METTL14: variants seen among roughly 807,000 people sequenced by gnomAD.
METTL14 encodes methyltransferase 14, N6-adenosine-methyltransferase non-catalytic subunit.
A neutral mutation model predicts 62.4 loss-of-function variants in METTL14; 32 were observed. The observed-to-expected ratio is 0.51, with a 90% confidence interval of 0.39 to 0.69. The LOEUF (loss-of-function observed/expected upper bound fraction) is 0.69. METTL14 is among the 30% of genes least tolerant of loss of function. The pLI, the probability that METTL14 is intolerant of heterozygous loss-of-function variation, is 0.00. For synonymous variants in METTL14, 150 were observed against 180.0 expected (o/e 0.83, Z 1.34); for missense variants, 340 against 551.9 (o/e 0.62, Z 3.85).
At chr4:118,691,238 A>C (rs563018889) in intron 3 of METTL14, among the ~76,000 whole-genome samples, 2 of 152,246 alleles carry the variant, frequency 1.3e-5, no homozygotes, top group East Asian at 3.9e-4. Context: ...ATCTTTCATG[A>C]CTCAAACTAG....
intron 6 of METTL14, among the ~76,000 whole-genome samples, chr4:118,696,682 A>C (rs1724424098): frequency 6.6e-6 from 1 of 152,332 alleles, no homozygotes; most frequent in Admixed American, 6.5e-5. Context: ...AAGACTCTTA[A>C]TAGAAACATT....
chr4:118,696,987 C>T (rs1310237365), intron 6 of METTL14, among the ~76,000 whole-genome samples, 195 bp from the exon 7 acceptor site: 2 of 151,830 alleles, frequency 1.3e-5, no homozygotes, highest in Admixed American at 1.3e-4. Context: ...TCGTTTAAGT[C>T]TATACTGAAG....
chr4:118,705,497 C>T, intron 9 of METTL14, 114 bp from the exon 10 acceptor site: 2 of 869,942 alleles, frequency 2.3e-6, no homozygotes, highest in Non-Finnish European at 3.7e-6. Context: ...ATAACTGTAT[C>T]CCAAAGATTC....
In METTL14 at chr4:118,709,978, CT is replaced by C. The variant is rs771858910; in HGVS notation, c.1067-13del. ...GAGAATTGCAAATAAAAAGTATAAT[CT>C]TTTTTTCCTCCATTTCAGGCTGGCT... On this transcript the variant is annotated intron_variant, in intron 10 of 10. Transcript: ENST00000388822. 19 of 1,566,242 alleles carry C rather than the reference CT, an allele frequency of 1.2e-5. No homozygotes were observed. The highest frequency in any genetic ancestry group is 2.0e-5 in the Admixed American group (1 of 49,660).
At chr4:118,704,510 T>G (rs1270992423) in intron 9 of METTL14, among the ~76,000 whole-genome samples, 1 of 152,110 alleles carries the variant, frequency 6.6e-6, no homozygotes, top group Non-Finnish European at 1.5e-5. Flanking sequence ...TGTTCTTACT[T>G]TTTAGGGAGC....
At position 118,703,988 on chromosome 4, in the gene METTL14, C is replaced by T. The variant is rs1383751073; in HGVS notation, c.792C>T (p.Thr264=). The T allele has an allele frequency of 6.3e-7, 1 of 1,590,860 alleles. No homozygotes were observed. ...GTGAAGATATTTGTTGGATTAAAAC[C>T]AATAAAAACAATCCTGGGAAGACTA... ...RRCEDICWIK[T]NKNNPGKTKT... The change falls in exon 9 of 11, where the codon ACC becomes ACT. Residue 264 remains threonine (T), a synonymous_variant. Coordinates refer to ENST00000388822, the MANE Select transcript of METTL14 (RefSeq NM_020961.4).
At chr4:118,696,117 CAAAAAAAAAAAAAAA>C (rs70941201) in intron 6 of METTL14, among the ~76,000 whole-genome samples, 6 of 33,910 alleles carry the variant, frequency 1.8e-4, no homozygotes, top group African/African-American at 5.0e-4. Flanking sequence ...GACTCTGTCT[CAAAAAAAAAAAAAAA>C]AAAAAAAAAA....
intron 6 of METTL14, among the ~76,000 whole-genome samples, chr4:118,695,167 T>C (rs1724369207): frequency 6.6e-6 from 1 of 152,124 alleles, no homozygotes; most frequent in Non-Finnish European, 1.5e-5. Context: ...AATTTGAAGC[T>C]CTGGTGCTGA....
rs888464822 is a variant in METTL14 at position 118,713,432 on chromosome 4, T to A, written c.*3130T>A. 3 of 152,218 alleles carry A rather than the reference T, an allele frequency of 2.0e-5. No individual in the cohort carries two copies. Among genetic ancestry groups the A allele is most frequent in the African/African-American group, 7.2e-5 (3 of 41,462 alleles). The allele number at this position is 152,218 out of a possible 1,614,324, so 9.4% of individuals were successfully genotyped here. On this transcript the variant is annotated 3_prime_UTR_variant, in exon 11 of 11. Transcript: ENST00000388822. Reference sequence around the variant, plus strand: ...ACAGCGCTTAATTTAAAACCTGTACTGTTTTCATCCTGAATTTAGAACATA... The same window carrying A: ...ACAGCGCTTAATTTAAAACCTGTACAGTTTTCATCCTGAATTTAGAACATA...
At chr4:118,701,947 A>T (rs1251505288) in intron 8 of METTL14, among the ~76,000 whole-genome samples, 6 of 152,100 alleles carry the variant, frequency 3.9e-5, no homozygotes, top group Non-Finnish European at 8.8e-5. Flanking sequence ...TTTCAGTTGG[A>T]TATCTCCATT....
rs577864337 is a variant in METTL14, at chr4:118,701,056, A to G, written c.738+414A>G. Among the ~76,000 whole-genome samples the G allele has an allele frequency of 2.6e-5, 4 of 152,338 alleles. No individual in the cohort carries two copies. In the South Asian group the frequency reaches 6.2e-4, roughly 24 times the overall value. On this transcript the variant is annotated intron_variant, in intron 8 of 10. Coordinates refer to ENST00000388822, the MANE Select transcript of METTL14 (RefSeq NM_020961.4). ...GAAGTCAAATAAAATTGGAAAAGTAACACAGCATATGGAAGACATGAATGA... is the reference window on the plus strand; with the variant it reads ...GAAGTCAAATAAAATTGGAAAAGTAGCACAGCATATGGAAGACATGAATGA...
Position 118,715,414 on chromosome 4 carries a change from A to T in METTL14, c.*5112A>T, listed in dbSNP as rs1327296486. 2.0e-5 allele frequency: 3 copies of T among 152,336 alleles called. No homozygotes were observed. The highest frequency in any genetic ancestry group is 7.2e-5 in the African/African-American group (3 of 41,572). 9.4% of individuals were successfully genotyped at this position (152,336 alleles called of 1,614,324 possible). A position where few individuals can be genotyped will look rare whatever the true frequency, so the allele number is the denominator to read the frequency against. Reference sequence around the variant, plus strand: ...ATTGTGGTGGGTACCTTAATAATAAAAAGATTTTTAATGTAATAATATTGC... The same window carrying T: ...ATTGTGGTGGGTACCTTAATAATAATAAGATTTTTAATGTAATAATATTGC... On this transcript the variant is annotated 3_prime_UTR_variant, in exon 11 of 11. Coordinates refer to ENST00000388822, the MANE Select transcript of METTL14 (RefSeq NM_020961.4).
At position 118,697,617 on chromosome 4, in the gene METTL14, C is replaced by T. The variant is rs184340029; in HGVS notation, c.645+294C>T. 1.3e-3 allele frequency among the ~76,000 whole-genome samples: 192 copies of T among 152,196 alleles called. 1 individual carries two copies. The highest frequency in any genetic ancestry group is 3.2e-4 in the Non-Finnish European group (22 of 68,004). On this transcript the variant is annotated intron_variant, in intron 7 of 10. Transcript: ENST00000388822. ...CTATATAGTTAGAGAAGTTTAAAAACAGATGGAATGATTCATAATTCATTC... is the reference window on the plus strand; with the variant it reads ...CTATATAGTTAGAGAAGTTTAAAAATAGATGGAATGATTCATAATTCATTC...
chr4:118,700,618 G>C lies in METTL14; in HGVS notation c.714G>C (p.Gly238=). 6.2e-7 allele frequency: 1 copy of C among 1,612,358 alleles called. No individual in the cohort carries two copies. The highest frequency in any genetic ancestry group is 8.5e-7 in the Non-Finnish European group (1 of 1,178,918). ...RSFIFLWCGS[G]EGLDLGRVCL... ...TTATTTTTCTCTGGTGTGGTTCTGG[G>C]GAGGGGTTGGACCTTGGAAGAGTGG... Residue 238 remains glycine, a synonymous_variant, in exon 8 of 11, where the codon GGG becomes GGC. Coordinates refer to ENST00000388822, the MANE Select transcript of METTL14 (RefSeq NM_020961.4).
At chr4:118,702,361 A>G (rs1474236062) in intron 8 of METTL14, among the ~76,000 whole-genome samples, 1 of 152,162 alleles carries the variant, frequency 6.6e-6, no homozygotes, top group Non-Finnish European at 1.5e-5. Context: ...TACTCATGAG[A>G]TTTTGATAAA....
At chr4:118,691,300 A>G (rs917319502) in intron 3 of METTL14, among the ~76,000 whole-genome samples, 2 of 152,200 alleles carry the variant, frequency 1.3e-5, no homozygotes, top group African/African-American at 4.8e-5. Flanking sequence ...AGACAAATCA[A>G]TCAGCAAAAT....
chr4:118,702,064 T>G (rs1003676221), intron 8 of METTL14, among the ~76,000 whole-genome samples: 5 of 152,088 alleles, frequency 3.3e-5, no homozygotes, highest in Admixed American at 2.0e-4. Flanking sequence ...TATCTGACTT[T>G]GATCTTTCCT....
At position 118,705,736 on chromosome 4, in the gene METTL14, T is replaced by A. The variant is rs1333162868; in HGVS notation, c.981T>A (p.Pro327=). The change falls in exon 10 of 11, where the codon CCT becomes CCA. Residue 327 remains proline, a synonymous_variant. Coordinates refer to ENST00000388822, the MANE Select transcript of METTL14 (RefSeq NM_020961.4). The stretch of plus-strand genomic sequence containing the variant: ...CTGAAATTGGCAATATAGAAAAACC[T>A]GTAGAAATTTTTCATATAATTGAGC... ...EEPEIGNIEK[P]VEIFHIIEHF... is the part of the protein sequence containing the mutation. 1 of 1,613,962 alleles carries A rather than the reference T, an allele frequency of 6.2e-7. No homozygotes were observed. Among genetic ancestry groups the A allele is most frequent in the Non-Finnish European group, 8.5e-7 (1 of 1,179,986 alleles).
rs577252898 is a variant in METTL14, at chr4:118,713,492, C to G, written c.*3190C>G. On this transcript the variant is annotated 3_prime_UTR_variant, in exon 11 of 11. Coordinates refer to ENST00000388822, the MANE Select transcript of METTL14 (RefSeq NM_020961.4). Reference sequence around the variant, plus strand: ...CTTTGAAGTATAGTTTCAGACTTTACTAATTTGTTTAATATAATCCTTATT... The same window carrying G: ...CTTTGAAGTATAGTTTCAGACTTTAGTAATTTGTTTAATATAATCCTTATT... The G allele has an allele frequency of 6.6e-6, 1 of 152,224 alleles. No homozygotes were observed. Among genetic ancestry groups the G allele is most frequent in the South Asian group, 2.1e-4 (1 of 4,822 alleles). 9.4% of individuals were successfully genotyped at this position (152,224 alleles called of 1,614,324 possible). A position where few individuals can be genotyped will look rare whatever the true frequency, so the allele number is the denominator to read the frequency against.
Sources: allele counts gnomAD v4.1 joint callset (sites outside exome capture counted in the v4.1 genomes callset), GRCh38; gene constraint gnomAD v4.1.1; transcripts MANE v1.5; gene names NCBI Gene and HGNC (gene_info 2026-07-23, HGNC 2026-07-21).